The following MRPL44 variants were observed in gnomAD, a reference collection of about 807,000 sequenced individuals.
The protein encoded by MRPL44 is mitochondrial ribosomal protein L44.
MRPL44 carries 21 observed loss-of-function variants against 25.9 expected under a neutral mutation model. That is an observed-to-expected ratio of 0.81 (90% confidence interval 0.58 to 1.17). The LOEUF (loss-of-function observed/expected upper bound fraction) is 1.17. MRPL44 is among the 50% of genes most tolerant of loss of function. MRPL44 has a pLI of 0.00. For missense variants in MRPL44, 410 were observed against 398.9 expected (o/e 1.03, Z -0.24); for synonymous variants, 169 against 151.0 (o/e 1.12, Z -0.87).
At chr2:223,961,655 G>T (rs1473878218) in intron 2 of MRPL44, among the ~76,000 whole-genome samples, 4 of 152,194 alleles carry the variant, frequency 2.6e-5, no homozygotes, top group Admixed American at 6.5e-5. Context: ...AGCTGGAGTT[G>T]TTCTAAGTGG....
Position 223,957,512 on chromosome 2 carries a change from C to A in MRPL44, c.40C>A (p.Arg14Ser), listed in dbSNP as rs113422842. 1.2e-6 allele frequency: 2 copies of A among 1,614,114 alleles called. No individual in the cohort carries two copies. Among genetic ancestry groups the A allele is most frequent in the Non-Finnish European group, 1.7e-6 (2 of 1,180,016 alleles). The change falls in exon 1 of 4, where the codon CGC (arginine) becomes AGC (serine). Residue 14 changes from arginine (R) to serine (S), a missense_variant. By Grantham distance (110) the Arg-to-Ser change is moderately radical. Transcript: ENST00000258383. ...GGTAAGATTGCTGCAGCAGGGACAT[C>A]GCTGCCTCCTGGCTCCAGTCGCCCC... ...GLVRLLQQGH[R>S]CLLAPVAPKL...
intron 2 of MRPL44, among the ~76,000 whole-genome samples, chr2:223,961,038 T>G (rs1452593876): frequency 6.6e-6 from 1 of 152,250 alleles, no homozygotes; most frequent in African/African-American, 2.4e-5. Context: ...TGTATTGTCC[T>G]GTTTCATTTG....
Position 223,967,008 on chromosome 2 carries a change from G to A in MRPL44, c.973G>A (p.Ala325Thr), listed in dbSNP as rs1689752290. 1.9e-6 allele frequency: 3 copies of A among 1,612,908 alleles called. No homozygotes were observed. Among genetic ancestry groups the A allele is most frequent in the Non-Finnish European group, 2.5e-6 (3 of 1,179,398 alleles). ...NYSKPKETLR[A>T]EKSITAS ...TTCCAAGCCCAAAGAAACCTTGAGAGCAGAAAAGAGCATCACTGCCAGCTA... is the reference window on the plus strand; with the variant it reads ...TTCCAAGCCCAAAGAAACCTTGAGAACAGAAAAGAGCATCACTGCCAGCTA... The change falls in exon 4 of 4, where the codon GCA becomes ACA. Residue 325 changes from alanine to threonine, a missense_variant. Physicochemically the swap from Ala to Thr is moderately conservative, Grantham distance 58 (BLOSUM62 0). Coordinates refer to ENST00000258383, the MANE Select transcript of MRPL44 (RefSeq NM_022915.5).
chr2:223,960,293 C>T (rs948152591), intron 2 of MRPL44, among the ~76,000 whole-genome samples: 5 of 152,172 alleles, frequency 3.3e-5, no homozygotes, highest in African/African-American at 1.2e-4. Flanking sequence ...GAGAGATACT[C>T]AGTAGATGTT....
Position 223,963,977 on chromosome 2 carries a change from C to T in MRPL44, c.827+43C>T. The T allele has an allele frequency of 2.6e-6, 4 of 1,526,378 alleles. No individual in the cohort carries two copies. In the South Asian group the frequency reaches 4.8e-5, roughly 18 times the overall value. 94.6% of individuals were successfully genotyped at this position (1,526,378 alleles called of 1,614,324 possible). ...CTTAACTTTATAACTTTGAGGAAAT[C>T]CTAAAAACAGACTCCTCACAAAGCC... On this transcript the variant is annotated intron_variant, in intron 3 of 3. Coordinates refer to ENST00000258383, the MANE Select transcript of MRPL44 (RefSeq NM_022915.5).
chr2:223,956,615 A>G (rs1689567495), upstream of MRPL44, among the ~76,000 whole-genome samples: 1 of 152,254 alleles, frequency 6.6e-6, no homozygotes, highest in Admixed American at 6.5e-5. Flanking sequence ...TCAAAGACAT[A>G]GGAGTTCAAT....
At chr2:223,952,482 C>T (rs760985475), upstream of MRPL44, among the ~76,000 whole-genome samples, 3 of 152,098 alleles carry the variant, frequency 2.0e-5, no homozygotes, top group Non-Finnish European at 4.4e-5. Flanking sequence ...TCTTTGTATT[C>T]GGTTTCTTTC....
chr2:223,959,939 C>T lies in MRPL44; in HGVS notation c.585C>T (p.Phe195=). Residue 195 remains phenylalanine, a synonymous_variant, in exon 2 of 4, where the codon TTC becomes TTT. Coordinates refer to ENST00000258383, the MANE Select transcript of MRPL44 (RefSeq NM_022915.5). The stretch of plus-strand genomic sequence containing the variant: ...CCCCAGCTGTGTTACAGCAGACTTT[C>T]TTTGCAGTTATTGGAGCCCTGTTAC... ...PVPPAVLQQT[F]FAVIGALLQS... is the part of the protein sequence containing the mutation. 1 of 1,614,178 alleles carries T rather than the reference C, an allele frequency of 6.2e-7. No homozygotes were observed. The highest frequency in any genetic ancestry group is 1.1e-5 in the South Asian group (1 of 91,078).
At chr2:223,962,176 G>GC (rs1438312653) in intron 2 of MRPL44, among the ~76,000 whole-genome samples, 2 of 152,122 alleles carry the variant, frequency 1.3e-5, no homozygotes, top group Non-Finnish European at 2.9e-5. Flanking sequence ...GGGACCACAG[G>GC]CATGTGTCAC....
chr2:223,956,781 A>G (rs1689569850), upstream of MRPL44, among the ~76,000 whole-genome samples: 1 of 152,256 alleles, frequency 6.6e-6, no homozygotes, highest in Non-Finnish European at 1.5e-5. Flanking sequence ...ATTGTACTGT[A>G]TTAACAGTTT....
At chr2:223,959,301 A>G (rs879706360) in intron 1 of MRPL44, among the ~76,000 whole-genome samples, 2 of 152,234 alleles carry the variant, frequency 1.3e-5, no homozygotes, top group African/African-American at 2.4e-5. Flanking sequence ...TCATGTGACA[A>G]TTGGATCAAA....
the MRPL44 span, among the ~76,000 whole-genome samples, chr2:223,951,547 C>T: frequency 2.8e-5 from 4 of 142,252 alleles, no homozygotes; most frequent in Non-Finnish European, 4.5e-5. Flanking sequence ...GGCACGTTCT[C>T]GGCTCACTGA....
rs1381854605 is a variant in MRPL44 at position 223,959,890 on chromosome 2, C to T, written c.536C>T (p.Thr179Ile). 2.9e-5 allele frequency: 47 copies of T among 1,614,186 alleles called. No homozygotes were observed. The highest frequency in any genetic ancestry group is 4.0e-5 in the Non-Finnish European group (47 of 1,180,032). Residue 179 changes from threonine (T) to isoleucine (I), a missense_variant, in exon 2 of 4, where the codon ACA becomes ATA. Transcript: ENST00000258383. ...VARNLAVEQL[T>I]LSEEFPVPPA... ...AGAAACTTGGCTGTGGAGCAGTTAACACTGAGTGAAGAATTCCCAGTGCCC... is the reference window on the plus strand; with the variant it reads ...AGAAACTTGGCTGTGGAGCAGTTAATACTGAGTGAAGAATTCCCAGTGCCC...
In MRPL44 at chr2:223,957,467, C is replaced by A; in HGVS notation, c.-6C>A. On this transcript the variant is annotated 5_prime_UTR_variant, in exon 1 of 4. Coordinates refer to ENST00000258383, the MANE Select transcript of MRPL44 (RefSeq NM_022915.5). ...CGTTCCGTCTTCCATCGTTTTCTCT[C>A]GTGCAATGGCGTCCGGGCTGGTAAG... 1.2e-6 allele frequency: 2 copies of A among 1,614,136 alleles called. No homozygotes were observed. The highest frequency in any genetic ancestry group is 1.7e-6 in the Non-Finnish European group (2 of 1,180,018).
chr2:223,959,456 T>C, intron 1 of MRPL44, 78 bp from the exon 2 acceptor site: 1 of 1,093,428 alleles, frequency 9.1e-7, no homozygotes, highest in Admixed American at 2.3e-5. Flanking sequence ...TTAATAACAT[T>C]ACAACACAGT....
At chr2:223,964,936 A>G (rs1689719992) in intron 3 of MRPL44, among the ~76,000 whole-genome samples, 1 of 152,190 alleles carries the variant, frequency 6.6e-6, no homozygotes, top group Non-Finnish European at 1.5e-5. Context: ...ATATTCCACA[A>G]GAGGGAAATG....
upstream of MRPL44, among the ~76,000 whole-genome samples, chr2:223,954,152 T>C (rs975456828): frequency 6.6e-6 from 1 of 152,184 alleles, no homozygotes; most frequent in Non-Finnish European, 1.5e-5. Context: ...TGGAGCGGAA[T>C]TTACTAAGTC....
chr2:223,959,546 G>T lies in MRPL44; in HGVS notation c.192G>T (p.Pro64=), dbSNP rs144375387. ...TTTACATTTTCAGTTCAGAGAAGCC[G>T]AACTGGGATTACCATGCAGAAATAC... The part of the protein sequence containing the change: ...PPPPVRRSEK[P]NWDYHAEIQA... Residue 64 remains proline (P), a synonymous_variant, in exon 2 of 4, where the codon CCG becomes CCT. Transcript: ENST00000258383. 2.8e-4 allele frequency: 451 copies of T among 1,607,902 alleles called. 2 individuals carry two copies. The highest frequency in any genetic ancestry group is 1.7e-4 in the Middle Eastern group (1 of 5,910).
the MRPL44 span, among the ~76,000 whole-genome samples, chr2:223,951,722 A>G: frequency 3.3e-5 from 5 of 151,734 alleles, no homozygotes; most frequent in African/African-American, 1.2e-4. Flanking sequence ...CAAGTGATCC[A>G]CCCACCTCAG....
Sources: allele counts gnomAD v4.1 joint callset (sites outside exome capture counted in the v4.1 genomes callset), GRCh38; gene constraint gnomAD v4.1.1; transcripts MANE v1.5; gene names NCBI Gene and HGNC (gene_info 2026-07-23, HGNC 2026-07-21).